The following SEMA6D variants were observed in gnomAD, a reference collection of about 807,000 sequenced individuals.
SEMA6D encodes semaphorin 6D, also known as semaphorin-6D.
A neutral mutation model predicts 106.6 loss-of-function variants in SEMA6D; 35 were observed. The observed-to-expected ratio is 0.33, with a 90% CI of 0.25 to 0.44. The LOEUF (loss-of-function observed/expected upper bound fraction) is 0.44. Ranked by LOEUF, SEMA6D falls within the 20% of genes least tolerant of loss-of-function variation. SEMA6D has a pLI of 1.00. For synonymous variants in SEMA6D, 499 were observed against 487.7 expected (o/e 1.02, Z -0.31); for missense variants, 1,185 against 1,345.9 (o/e 0.88, Z 1.87).
chr15:47,586,907 T>TTTA (rs1555394431), intron 3 of SEMA6D, among the ~76,000 whole-genome samples: 1 of 151,020 alleles, frequency 6.6e-6, no homozygotes, highest in Non-Finnish European at 1.5e-5. Context: ...TTTTTTTTTT[T>TTTA]ACAAGACCTG....
At chr15:47,500,365 C>T (rs1388965840) in intron 3 of SEMA6D, among the ~76,000 whole-genome samples, 1 of 151,972 alleles carries the variant, frequency 6.6e-6, no homozygotes, top group Non-Finnish European at 1.5e-5. Flanking sequence ...TTGTATATTT[C>T]TGTGGCCAAT....
intron 4 of SEMA6D, among the ~76,000 whole-genome samples, chr15:47,645,518 T>C (rs1175228830): frequency 1.3e-5 from 2 of 152,066 alleles, no homozygotes; most frequent in Admixed American, 1.3e-4. Flanking sequence ...TTTTTTCTTC[T>C]TCTTCTTCTT....
chr15:47,688,847 T>C (rs1244511891), intron 4 of SEMA6D, among the ~76,000 whole-genome samples: 45 of 152,172 alleles, frequency 3.0e-4, no homozygotes, highest in Admixed American at 2.7e-3. Context: ...ATATCTCAGT[T>C]ATGTAAATTT....
chr15:47,619,121 A>G (rs1007282583), intron 4 of SEMA6D, among the ~76,000 whole-genome samples: 1 of 152,158 alleles, frequency 6.6e-6, no homozygotes, highest in African/African-American at 2.4e-5. Flanking sequence ...CCAAGGCAGT[A>G]GCACCCTGGC....
intron 4 of SEMA6D, among the ~76,000 whole-genome samples, chr15:47,631,767 C>A (rs1301220349): frequency 6.6e-6 from 1 of 151,952 alleles, no homozygotes; most frequent in African/African-American, 2.4e-5. Context: ...ATCTCCAGAA[C>A]TATAAGAGAA....
chr15:47,763,984 T>C lies in SEMA6D; in HGVS notation c.882T>C (p.Phe294=). 6.2e-7 allele frequency: 1 copy of C among 1,614,014 alleles called. No individual in the cohort carries two copies. Among genetic ancestry groups the C allele is most frequent in the African/African-American group, 1.3e-5 (1 of 75,042 alleles). ...TCCCTGGAGATTCGTTTTTCTACTT[T>C]GATGTTCTGCAGTCTATTACAGACA... is the stretch of plus-strand genomic sequence containing the variant. ...CSVPGDSFFY[F]DVLQSITDII... is the part of the protein sequence containing the mutation. Residue 294 remains phenylalanine (F), a synonymous_variant, in exon 10 of 19, where the codon TTT becomes TTC. Transcript: ENST00000536845.
rs548457303 is a variant in SEMA6D at position 47,324,795 on chromosome 15, T to C, written c.-238-87598T>C. Among the ~76,000 whole-genome samples, 5 of 151,978 alleles carry C rather than the reference T, an allele frequency of 3.3e-5. No individual in the cohort carries two copies. In the East Asian group the frequency reaches 5.8e-4, roughly 18 times the overall value. On this transcript the variant is annotated intron_variant, in intron 1 of 19. Coordinates refer to the SEMA6D transcript ENST00000558014. ...ACGCTATTATACATGTGTATGTGTT[T>C]ATATATATCTAGGTATATATAGATA...
At chr15:47,463,483 A>G (rs1057355852) in intron 2 of SEMA6D, among the ~76,000 whole-genome samples, 8 of 152,194 alleles carry the variant, frequency 5.3e-5, no homozygotes, top group African/African-American at 1.9e-4. Flanking sequence ...CTCAAACGCC[A>G]AAGTTTCTCA....
intron 4 of SEMA6D, among the ~76,000 whole-genome samples, chr15:47,601,677 G>A (rs905834964): frequency 1.3e-5 from 2 of 152,166 alleles, no homozygotes; most frequent in East Asian, 3.9e-4. Context: ...TTTGCAATAC[G>A]TTTGGCAGAA....
intron 4 of SEMA6D, among the ~76,000 whole-genome samples, chr15:47,630,711 G>A (rs955303568): frequency 7.2e-4 from 110 of 151,870 alleles, no homozygotes; most frequent in Admixed American, 7.0e-3. Context: ...TCATTATTAC[G>A]TATGATATTA....
chr15:47,433,694 C>A (rs1379337353), intron 2 of SEMA6D, among the ~76,000 whole-genome samples: 1 of 152,044 alleles, frequency 6.6e-6, no homozygotes, highest in Non-Finnish European at 1.5e-5. Context: ...AATAAACTCA[C>A]TGAAGTTGCA....
intron 1 of SEMA6D, among the ~76,000 whole-genome samples, chr15:47,240,142 C>T (rs777579976): frequency 6.6e-6 from 1 of 152,022 alleles, no homozygotes; most frequent in Non-Finnish European, 1.5e-5. Context: ...CCCAGTTGTC[C>T]GTGTACCAGC....
At chr15:47,444,263 A>T (rs1433099920) in intron 2 of SEMA6D, among the ~76,000 whole-genome samples, 2 of 152,162 alleles carry the variant, frequency 1.3e-5, no homozygotes, top group Non-Finnish European at 2.9e-5. Context: ...GTGTCCCCCA[A>T]ATAAGTAGGA....
intron 1 of SEMA6D, among the ~76,000 whole-genome samples, chr15:47,237,177 C>T (rs530281946): frequency 1.3e-5 from 2 of 152,314 alleles, no homozygotes; most frequent in Admixed American, 1.3e-4. Context: ...TGGTCAAGTT[C>T]TCACTGTGGT....
chr15:47,219,076 T>G (rs2030945495), intron 1 of SEMA6D, among the ~76,000 whole-genome samples: 2 of 152,252 alleles, frequency 1.3e-5, no homozygotes, highest in Admixed American at 1.3e-4. Flanking sequence ...GGTCCTCCTA[T>G]ATAGCTTTAA....
intron 1 of SEMA6D, among the ~76,000 whole-genome samples, chr15:47,284,027 G>A (rs1403702967): frequency 6.6e-6 from 1 of 152,050 alleles, no homozygotes; most frequent in African/African-American, 2.4e-5. Flanking sequence ...ACTGCTTTTG[G>A]TTCACTTGAA....
At chr15:47,277,918 C>T (rs1285447000) in intron 1 of SEMA6D, among the ~76,000 whole-genome samples, 5 of 151,646 alleles carry the variant, frequency 3.3e-5, no homozygotes, top group African/African-American at 7.3e-5. Flanking sequence ...CAATTTCATC[C>T]ATGTCCCTAC....
intron 3 of SEMA6D, among the ~76,000 whole-genome samples, chr15:47,506,162 A>C (rs1238785895): frequency 6.6e-6 from 1 of 152,104 alleles, no homozygotes; most frequent in Non-Finnish European, 1.5e-5. Flanking sequence ...TCGCTGCTAC[A>C]ATGTGTACTC....
chr15:47,232,222 G>A (rs557436156), intron 1 of SEMA6D, among the ~76,000 whole-genome samples: 5 of 151,938 alleles, frequency 3.3e-5, no homozygotes, highest in African/African-American at 9.7e-5. Flanking sequence ...TCCACTGTAA[G>A]GATATACTAC....
Sources: allele counts gnomAD v4.1 joint callset (sites outside exome capture counted in the v4.1 genomes callset), GRCh38; gene constraint gnomAD v4.1.1; transcripts MANE v1.5; gene names NCBI Gene and HGNC (gene_info 2026-07-23, HGNC 2026-07-21).